ST14: variants seen among roughly 807,000 people sequenced by gnomAD.
The protein encoded by ST14 is suppressor of tumorigenicity 14 protein.
A neutral mutation model predicts 96.5 loss-of-function variants in ST14; 40 were observed. That is an observed-to-expected ratio of 0.41 (90% CI 0.32 to 0.54). ST14 has a LOEUF of 0.54. Among genes scored for constraint, ST14 ranks in the 20% least tolerant of loss-of-function variants. ST14 has a pLI of 0.17. For synonymous variants in ST14, 506 were observed against 492.1 expected (o/e 1.03, Z -0.37); for missense variants, 1,066 against 1,188.9 (o/e 0.90, Z 1.52).
intron 7 of ST14, 95 bp downstream of exon 7, chr11:130,190,789 C>T: frequency 7.0e-7 from 1 of 1,427,532 alleles, no homozygotes; most frequent in Non-Finnish European, 9.3e-7. Context: ...GTTTATGACT[C>T]TTGGCCGCAG....
At chr11:130,182,684 C>T (rs1953203950) in intron 1 of ST14, among the ~76,000 whole-genome samples, 1 of 149,492 alleles carries the variant, frequency 6.7e-6, no homozygotes, top group Non-Finnish European at 1.5e-5. Flanking sequence ...GAGTCTCACT[C>T]TGTTGCCCAG....
In ST14 at chr11:130,210,202, A is replaced by G. The variant is rs2136222809; in HGVS notation, c.*379A>G. 1 of 223,550 alleles carries G rather than the reference A, an allele frequency of 4.5e-6. No individual in the cohort carries two copies. Among genetic ancestry groups the G allele is most frequent in the Non-Finnish European group, 8.9e-6 (1 of 112,250 alleles). The allele number at this position is 223,550 out of a possible 1,614,324, so 13.8% of individuals were successfully genotyped here. A position where few individuals can be genotyped will look rare whatever the true frequency, so the allele number is the denominator to read the frequency against. On this transcript the variant is annotated 3_prime_UTR_variant, in exon 19 of 19. Transcript: ENST00000278742. ...TCAGTGAAGGTGGTGGGGCTGCCGG[A>G]TCTGGGCTGTGGGGCCCTTGGGCCA...
At chr11:130,163,534 G>T (rs540558208) in intron 1 of ST14, among the ~76,000 whole-genome samples, 8 of 152,198 alleles carry the variant, frequency 5.3e-5, no homozygotes, top group Non-Finnish European at 1.0e-4. Flanking sequence ...GATTACAGGC[G>T]TGAGCCACTG....
Position 130,208,783 on chromosome 11 carries a change from C to T in ST14, c.2269+99C>T, listed in dbSNP as rs942349236. On this transcript the variant is annotated intron_variant, in intron 17 of 18. Coordinates refer to ENST00000278742, the MANE Select transcript of ST14 (RefSeq NM_021978.4). ...TCCGGTCTCGGGGCGGGGGGCTGCT[C>T]CAGTCTCCCTCTGCCTGGCAGAATG... 8 of 1,414,422 alleles carry T rather than the reference C, an allele frequency of 5.7e-6. No homozygotes were observed. In the African/African-American group the frequency reaches 1.1e-4, roughly 20 times the overall value. The allele number at this position is 1,414,422 out of a possible 1,614,324, so 87.6% of individuals were successfully genotyped here.
Position 130,196,426 on chromosome 11 carries a change from TAC to T in ST14, c.1202_1203del (p.Tyr401CysfsTer42). The T allele has an allele frequency of 6.2e-7, 1 of 1,610,208 alleles. No individual in the cohort carries two copies. Among genetic ancestry groups the T allele is most frequent in the Non-Finnish European group, 8.5e-7 (1 of 1,178,464 alleles). On this transcript the variant is annotated frameshift_variant, in exon 10 of 19. Coordinates refer to ENST00000278742, the MANE Select transcript of ST14 (RefSeq NM_021978.4). LOFTEE classifies it high-confidence loss of function. ...GCCTGCGGGCACCTGCCCCAAGGAC[TAC>T]GTGGAGATCAACGGGGAGAAGTGAG... ...GVPAGTCPKD[Y>X]VEINGEKYCG...
rs375215090 is a variant in ST14 at position 130,198,482 on chromosome 11, G to A, written c.1571-26G>A. 1.8e-5 allele frequency: 29 copies of A among 1,613,474 alleles called. No individual in the cohort carries two copies. The African/African-American group carries it at 3.7e-4, about 21-fold the overall frequency. On this transcript the variant is annotated intron_variant, in intron 13 of 18. Transcript: ENST00000278742. ...GCGGGGCGACTGACGGTGGCTCCTG[G>A]TGGCTGAGTCCTGGTGCCTCTCCAG...
chr11:130,196,859 T>G (rs1219946202), intron 11 of ST14, 159 bp downstream of exon 11: 5 of 1,032,400 alleles, frequency 4.8e-6, no homozygotes, highest in Non-Finnish European at 7.2e-6. Context: ...ACACGCTACC[T>G]TTGATGCATT....
chr11:130,202,371 G>A (rs1233572526), intron 16 of ST14, among the ~76,000 whole-genome samples: 1 of 152,224 alleles, frequency 6.6e-6, no homozygotes, highest in Non-Finnish European at 1.5e-5. Context: ...AGACTTGTAA[G>A]GGTAGGGACA....
intron 1 of ST14, among the ~76,000 whole-genome samples, chr11:130,184,522 C>T (rs376256865): frequency 6.6e-6 from 1 of 152,214 alleles, no homozygotes; most frequent in South Asian, 2.1e-4. Context: ...ATTTACAACT[C>T]TCTTCAGCTC....
rs559329654 is a variant in ST14, at chr11:130,202,302, C to T, written c.1994+2165C>T. Among the ~76,000 whole-genome samples the T allele has an allele frequency of 2.0e-5, 3 of 152,312 alleles. No homozygotes were observed. The East Asian group carries it at 5.8e-4, about 29-fold the overall frequency. ...AATTAATCTTCAACACCCCTGGTTA[C>T]TATTGACACTAGAGAGACCAACATG... On this transcript the variant is annotated intron_variant, in intron 16 of 18. Transcript: ENST00000278742.
At position 130,188,111 on chromosome 11, in the gene ST14, C is replaced by A; in HGVS notation, c.82-3C>A. The A allele has an allele frequency of 6.2e-7, 1 of 1,614,048 alleles. No homozygotes were observed. Among genetic ancestry groups the A allele is most frequent in the African/African-American group, 1.3e-5 (1 of 75,018 alleles). The stretch of plus-strand genomic sequence containing the variant: ...CTGAGTGGTGGCGCCTCTCTCCCTG[C>A]AGAAAGTGAATGGCTTGGAGGAAGG... On this transcript the variant is annotated splice_region_variant and splice_polypyrimidine_tract_variant and intron_variant, in intron 1 of 18. Coordinates refer to ENST00000278742, the MANE Select transcript of ST14 (RefSeq NM_021978.4). The surrounding 1 kb of genome is among the most constrained non-coding windows in gnomAD (Gnocchi z 5.4).
rs78819913 is a variant in ST14 at position 130,196,688 on chromosome 11, G to A, written c.1342G>A (p.Asp448Asn). The stretch of plus-strand genomic sequence containing the variant: ...CTTCTTAGCTGAATACCTCTCCTAC[G>A]ACTCCAGTGACCGTGAGTGAACATT... ...TGFLAEYLSY[D>N]SSDPCPGQFT... The change falls in exon 11 of 19, where the codon GAC (aspartate) becomes AAC (asparagine). Residue 448 changes from aspartate (D) to asparagine (N), a missense_variant. By Grantham distance (23) the Asp-to-Asn change is conservative. Coordinates refer to ENST00000278742, the MANE Select transcript of ST14 (RefSeq NM_021978.4). 33 of 1,614,166 alleles carry A rather than the reference G, an allele frequency of 2.0e-5. No homozygotes were observed. In the East Asian group the frequency reaches 6.5e-4, roughly 32 times the overall value.
At chr11:130,167,095 T>C (rs981447795) in intron 1 of ST14, among the ~76,000 whole-genome samples, 2 of 152,134 alleles carry the variant, frequency 1.3e-5, no homozygotes, top group African/African-American at 4.8e-5. Context: ...CCTGTAATCC[T>C]AGCTACTCAG....
chr11:130,166,516 A>G (rs541534724), intron 1 of ST14, among the ~76,000 whole-genome samples: 5 of 152,304 alleles, frequency 3.3e-5, no homozygotes, highest in African/African-American at 1.2e-4. Context: ...CTTATTTAGT[A>G]ACAGCTCAGA....
chr11:130,208,381 C>T (rs777006750), intron 16 of ST14, 29 bp from the exon 17 acceptor site: 1 of 1,613,722 alleles, frequency 6.2e-7, no homozygotes, highest in South Asian at 1.1e-5. Flanking sequence ...CGAGTGACCG[C>T]GCAGTCTCAT....
At chr11:130,172,385 C>A (rs1024227922) in intron 1 of ST14, among the ~76,000 whole-genome samples, 8 of 149,456 alleles carry the variant, frequency 5.4e-5, no homozygotes, top group African/African-American at 2.0e-4. Flanking sequence ...GGATTCCAGG[C>A]ATGAGCCACT....
Position 130,210,181 on chromosome 11 carries a change from T to G in ST14, c.*358T>G. 4.3e-6 allele frequency: 1 copy of G among 235,128 alleles called. No individual in the cohort carries two copies. 14.6% of individuals were successfully genotyped at this position (235,128 alleles called of 1,614,324 possible). ...GAACGGAGCTTCGGGGCCTCCTCAG[T>G]GAAGGTGGTGGGGCTGCCGGATCTG... On this transcript the variant is annotated 3_prime_UTR_variant, in exon 19 of 19. Coordinates refer to ENST00000278742, the MANE Select transcript of ST14 (RefSeq NM_021978.4).
intron 14 of ST14, 136 bp downstream of exon 14, chr11:130,198,757 T>C: frequency 1.4e-6 from 2 of 1,385,646 alleles, no homozygotes; most frequent in South Asian, 1.2e-5. Flanking sequence ...GAGAAAGGGC[T>C]CTGGTTGGGG....
chr11:130,176,788 CTTTTTTTTTTTT>C (rs56764956), intron 1 of ST14, among the ~76,000 whole-genome samples: 11 of 59,244 alleles, frequency 1.9e-4, no homozygotes, highest in Non-Finnish European at 2.7e-4. Context: ...TAGGGCTTAA[CTTTTTTTTTTTT>C]TTTTTTTTTT....
Sources: allele counts gnomAD v4.1 joint callset (sites outside exome capture counted in the v4.1 genomes callset), GRCh38; gene constraint gnomAD v4.1.1; non-coding constraint Gnocchi (gnomAD v3.1); transcripts MANE v1.5; gene names NCBI Gene and HGNC (gene_info 2026-07-23, HGNC 2026-07-21).